PRR16: variants seen among roughly 807,000 people sequenced by gnomAD.
PRR16 encodes the protein protein Largen.
In PRR16, 6 loss-of-function variants were observed where a neutral mutation model predicts 18.2. The ratio of observed to expected loss-of-function variants is 0.33; its 90% CI spans 0.18 to 0.65. The LOEUF is 0.65. PRR16 is among the 30% of genes least tolerant of loss of function. PRR16 has a pLI of 0.74. For synonymous variants in PRR16, 151 were observed against 147.8 expected (o/e 1.02, Z -0.16); for missense variants, 412 against 376.6 (o/e 1.09, Z -0.78).
downstream of PRR16, among the ~76,000 whole-genome samples, chr5:120,691,033 T>C (rs1757203073): frequency 6.6e-6 from 1 of 152,180 alleles, no homozygotes; most frequent in Non-Finnish European, 1.5e-5. Context: ...TGTAGGTATA[T>C]ATATTCTTTC....
intron 1 of PRR16, among the ~76,000 whole-genome samples, chr5:120,516,654 C>T (rs6895369): frequency 0.29 from 44,573 of 151,784 alleles, 7,568 homozygotes; most frequent in African/African-American, 0.47. Context: ...TCTTTAAAAA[C>T]GTGGTTATGT....
chr5:120,738,269 C>G, the PRR16 span, among the ~76,000 whole-genome samples: 1 of 151,958 alleles, frequency 6.6e-6, no homozygotes, highest in South Asian at 2.1e-4. Flanking sequence ...GTAAGCTAAT[C>G]TTCTCTTTGA....
the PRR16 span, among the ~76,000 whole-genome samples, chr5:120,766,333 T>C: frequency 0.26 from 40,032 of 151,862 alleles, 5,609 homozygotes; most frequent in Non-Finnish European, 0.3. Context: ...TTAATTTTCA[T>C]TTTTCTTTTT....
chr5:120,464,506 G>A lies in PRR16; in HGVS notation c.20G>A (p.Gly7Glu). 1 of 1,591,236 alleles carries A rather than the reference G, an allele frequency of 6.3e-7. No individual in the cohort carries two copies. Among genetic ancestry groups the A allele is most frequent in the Non-Finnish European group, 8.5e-7 (1 of 1,176,868 alleles). Reference sequence around the variant, plus strand: ...CAAAGAATGTCAGCCAAGTCCAAGGGGAACCCCTCCTCGTCCTGTCCAGCC... The same window carrying A: ...CAAAGAATGTCAGCCAAGTCCAAGGAGAACCCCTCCTCGTCCTGTCCAGCC... MSAKSK[G>E]NPSSSCPAEG... The change falls in exon 1 of 2, where the codon GGG becomes GAG. Residue 7 changes from glycine (G) to glutamate (E), a missense_variant. By Grantham distance (98) the Gly-to-Glu change is moderately conservative (BLOSUM62 -2). Transcript: ENST00000407149.
chr5:120,791,624 C>CT, the PRR16 span, among the ~76,000 whole-genome samples: 15 of 84,708 alleles, frequency 1.8e-4, no homozygotes, highest in African/African-American at 3.4e-4. Flanking sequence ...TCTATCTATC[C>CT]ATCCATCTAT....
At chr5:120,720,430 C>A in the PRR16 span, among the ~76,000 whole-genome samples, 1 of 151,930 alleles carries the variant, frequency 6.6e-6, no homozygotes, top group Non-Finnish European at 1.5e-5. Flanking sequence ...AAAGTGAAGT[C>A]CTCCCAACCC....
At chr5:120,757,292 C>T in the PRR16 span, among the ~76,000 whole-genome samples, 2 of 151,970 alleles carry the variant, frequency 1.3e-5, no homozygotes, top group African/African-American at 2.4e-5. Flanking sequence ...ATTTCTTTGG[C>T]TATGCAGGTT....
chr5:120,659,929 C>T (rs1262877517), intron 1 of PRR16, among the ~76,000 whole-genome samples: 2 of 151,966 alleles, frequency 1.3e-5, no homozygotes, highest in Non-Finnish European at 2.9e-5. Flanking sequence ...GCTGAAGTAC[C>T]TGAGATAATA....
chr5:120,512,715 T>C (rs1750867004), intron 1 of PRR16, among the ~76,000 whole-genome samples: 1 of 152,116 alleles, frequency 6.6e-6, no homozygotes, highest in Non-Finnish European at 1.5e-5. Context: ...AATGAAGCCA[T>C]TCCGTTGCTG....
chr5:120,628,715 T>TACC (rs1291760321), intron 1 of PRR16, among the ~76,000 whole-genome samples: 5 of 149,814 alleles, frequency 3.3e-5, no homozygotes, highest in Admixed American at 1.4e-4. Context: ...TCTATCTATC[T>TACC]ATCTATCTAT....
rs1409848679 is a variant in PRR16 at position 120,490,493 on chromosome 5, T to G, written c.159+25848T>G. ...TCACGTGGTTCTCGTGCCGTGGTTT[T>G]CAGCTCCATCAGGTCCTTTAAGGAC... is the stretch of plus-strand genomic sequence containing the variant. On this transcript the variant is annotated intron_variant, in intron 1 of 1. Transcript: ENST00000407149. 3.9e-5 allele frequency among the ~76,000 whole-genome samples: 6 copies of G among 152,214 alleles called. No homozygotes were observed. In the East Asian group the frequency reaches 1.2e-3, roughly 29 times the overall value.
intron 1 of PRR16, among the ~76,000 whole-genome samples, chr5:120,475,097 A>G (rs13359928): frequency 0.015 from 2,292 of 152,332 alleles, 65 homozygotes; most frequent in African/African-American, 0.052. Flanking sequence ...GCCAGGGACT[A>G]TTGTGAGTTA....
chr5:120,581,992 G>T (rs1186734659), intron 1 of PRR16, among the ~76,000 whole-genome samples: 1 of 152,068 alleles, frequency 6.6e-6, no homozygotes, highest in Non-Finnish European at 1.5e-5. Flanking sequence ...TATATAAAAA[G>T]GACACCTGCA....
At chr5:120,766,573 C>CTTTTAATTAATCAGCTTA in the PRR16 span, among the ~76,000 whole-genome samples, 1 of 151,870 alleles carries the variant, frequency 6.6e-6, no homozygotes, top group South Asian at 2.1e-4. Context: ...TTTCTACCCA[C>CTTTTAATTAATCAGCTTA]TTTTAATTAA....
chr5:120,775,755 C>T, the PRR16 span, among the ~76,000 whole-genome samples: 4 of 150,776 alleles, frequency 2.7e-5, no homozygotes, highest in South Asian at 6.3e-4. Flanking sequence ...CTCAGCCTCC[C>T]GAGTAGCTGG....
At chr5:120,609,566 C>A (rs2112803129) in intron 1 of PRR16, among the ~76,000 whole-genome samples, 1 of 152,254 alleles carries the variant, frequency 6.6e-6, no homozygotes, top group South Asian at 2.1e-4. Flanking sequence ...AAAAGTTTCT[C>A]AGTAATATTA....
chr5:120,468,629 T>C lies in PRR16; in HGVS notation c.159+3984T>C, dbSNP rs1749176234. On this transcript the variant is annotated intron_variant, in intron 1 of 1. Coordinates refer to ENST00000407149, the MANE Select transcript of PRR16 (RefSeq NM_001300783.2). ...TCTCAAATAATCTAATGCCTTTGAG[T>C]AGCAATATGCCTGTTCTTTTATGAA... 2.6e-5 allele frequency among the ~76,000 whole-genome samples: 4 copies of C among 152,236 alleles called. No homozygotes were observed. In the South Asian group the frequency reaches 8.3e-4, roughly 32 times the overall value.
the PRR16 span, among the ~76,000 whole-genome samples, chr5:120,725,307 T>A: frequency 6.6e-6 from 1 of 151,566 alleles, no homozygotes; most frequent in Non-Finnish European, 1.5e-5. Context: ...ATGTTGTTTT[T>A]TTTTTTTTTT....
chr5:120,500,219 C>G (rs1750400773), intron 1 of PRR16, among the ~76,000 whole-genome samples: 1 of 152,276 alleles, frequency 6.6e-6, no homozygotes, highest in Middle Eastern at 3.4e-3. Flanking sequence ...TTTCTTTTCT[C>G]AAGCCTTATG....
Sources: allele counts gnomAD v4.1 joint callset (sites outside exome capture counted in the v4.1 genomes callset), GRCh38; gene constraint gnomAD v4.1.1; transcripts MANE v1.5; gene names NCBI Gene and HGNC (gene_info 2026-07-23, HGNC 2026-07-21).